AFF1: variants seen among roughly 807,000 people sequenced by gnomAD.
AFF1 encodes the protein AF4/FMR2 family member 1.
In AFF1, 48 loss-of-function variants were observed where a neutral mutation model predicts 121.7. The ratio of observed to expected loss-of-function variants is 0.39; its 90% confidence interval spans 0.31 to 0.50. The LOEUF is 0.50. Among genes scored for constraint, AFF1 ranks in the 20% least tolerant of loss-of-function variants. AFF1 has a pLI of 0.76. For missense variants in AFF1, 1,523 were observed against 1,511.7 expected (o/e 1.01, Z -0.12); for synonymous variants, 613 against 563.0 (o/e 1.09, Z -1.26).
chr4:87,089,725 G>C (rs1177376089), intron 5 of AFF1, among the ~76,000 whole-genome samples: 1 of 152,098 alleles, frequency 6.6e-6, no homozygotes, highest in African/African-American at 2.4e-5. Flanking sequence ...TAATATTCAG[G>C]GTGTTAAATT....
At chr4:86,971,359 TC>T (rs1470168544) in intron 2 of AFF1, among the ~76,000 whole-genome samples, 5 of 152,220 alleles carry the variant, frequency 3.3e-5, no homozygotes, top group Admixed American at 6.5e-5. Context: ...ATCTCAGTCT[TC>T]TTGCATGAAG....
At chr4:86,975,662 C>G (rs1275443279) in intron 2 of AFF1, among the ~76,000 whole-genome samples, 1 of 152,020 alleles carries the variant, frequency 6.6e-6, no homozygotes, top group Non-Finnish European at 1.5e-5. Context: ...TTTTCTCCCC[C>G]CAAGGAACTA....
intron 2 of AFF1, among the ~76,000 whole-genome samples, chr4:87,020,247 T>C (rs910143397): frequency 2.5e-4 from 38 of 152,238 alleles, no homozygotes; most frequent in Non-Finnish European, 4.0e-4. Flanking sequence ...TTCAAATGAA[T>C]GTATTGAGTT....
intron 1 of AFF1, among the ~76,000 whole-genome samples, chr4:86,941,884 A>G (rs1437846037): frequency 1.3e-5 from 2 of 152,078 alleles, no homozygotes; most frequent in African/African-American, 4.8e-5. Flanking sequence ...GCTTGTAAAA[A>G]TATGCACAAA....
intron 4 of AFF1, among the ~76,000 whole-genome samples, chr4:87,075,605 C>T (rs1299839764): frequency 6.6e-6 from 1 of 152,174 alleles, no homozygotes; most frequent in Non-Finnish European, 1.5e-5. Flanking sequence ...TCTGATGTTA[C>T]TGTCATATCT....
chr4:87,099,106 T>A (rs1188451507), intron 8 of AFF1, among the ~76,000 whole-genome samples: 1 of 152,208 alleles, frequency 6.6e-6, no homozygotes, highest in Non-Finnish European at 1.5e-5. Flanking sequence ...CCTAAGGAAA[T>A]TAAATTTTTC....
chr4:87,019,886 G>GGC lies in AFF1; in HGVS notation c.39-26279_39-26278insCG, dbSNP rs1553918049. On this transcript the variant is annotated intron_variant, in intron 2 of 20. Coordinates refer to ENST00000395146, the MANE Select transcript of AFF1 (RefSeq NM_001166693.3). Reference sequence around the variant, plus strand: ...CTGTGACTGGTGTCTGAAGGGGTCGGGGGGGGGCAGTCTTGGGGACTGAGC... The same window carrying GGC: ...CTGTGACTGGTGTCTGAAGGGGTCGGGCGGGGGGGCAGTCTTGGGGACTGAGC... Among the ~76,000 whole-genome samples the GGC allele has an allele frequency of 9.4e-5, 10 of 106,572 alleles. No individual in the cohort carries two copies. The South Asian group carries it at 3.0e-3, about 32-fold the overall frequency. 69.9% of individuals were successfully genotyped at this position (106,572 alleles called of 152,430 possible). A position where few individuals can be genotyped will look rare whatever the true frequency, so the allele number is the denominator to read the frequency against.
In AFF1 at chr4:87,091,781, T is replaced by G; in HGVS notation, c.1192-12T>G. ...ATCTTTTAATAATTAGATATTTTTA[T>G]TTTCTTTCTAGGACTCTCAGCATGT... is the stretch of plus-strand genomic sequence containing the variant. On this transcript the variant is annotated splice_polypyrimidine_tract_variant and intron_variant, in intron 6 of 20. Coordinates refer to ENST00000395146, the MANE Select transcript of AFF1 (RefSeq NM_001166693.3). 1 of 1,512,168 alleles carries G rather than the reference T, an allele frequency of 6.6e-7. No homozygotes were observed. Among genetic ancestry groups the G allele is most frequent in the Non-Finnish European group, 8.9e-7 (1 of 1,120,850 alleles). The allele number at this position is 1,512,168 out of a possible 1,614,324, so 93.7% of individuals were successfully genotyped here. A position where few individuals can be genotyped will look rare whatever the true frequency, so the allele number is the denominator to read the frequency against.
intron 2 of AFF1, among the ~76,000 whole-genome samples, chr4:87,038,219 T>C (rs1729760901): frequency 6.6e-6 from 1 of 152,208 alleles, no homozygotes; most frequent in Non-Finnish European, 1.5e-5. Flanking sequence ...TTATTCATGT[T>C]AGTTATTGAG....
intron 1 of AFF1, among the ~76,000 whole-genome samples, chr4:86,940,791 A>G (rs1720399550): frequency 6.6e-6 from 1 of 152,004 alleles, no homozygotes; most frequent in Admixed American, 6.6e-5. Flanking sequence ...AATCATTAGA[A>G]CCTGTGAAGG....
chr4:86,987,756 C>T (rs1724400639), intron 2 of AFF1, among the ~76,000 whole-genome samples: 1 of 152,088 alleles, frequency 6.6e-6, no homozygotes, highest in African/African-American at 2.4e-5. Context: ...AGTTTGAGAC[C>T]AGCCTGGCCA....
intron 12 of AFF1, among the ~76,000 whole-genome samples, chr4:87,121,521 C>T (rs926019547): frequency 6.6e-6 from 1 of 152,214 alleles, no homozygotes; most frequent in Non-Finnish European, 1.5e-5. Flanking sequence ...AGTGCCTACT[C>T]TGGGGAAGCC....
At chr4:87,017,604 ATT>A (rs1281787459) in intron 2 of AFF1, among the ~76,000 whole-genome samples, 2 of 152,224 alleles carry the variant, frequency 1.3e-5, no homozygotes, top group Non-Finnish European at 2.9e-5. Flanking sequence ...GAAATCCTTT[ATT>A]TTATAATTGC....
At chr4:87,058,686 AAG>A (rs1720409394) in intron 4 of AFF1, among the ~76,000 whole-genome samples, 1 of 152,150 alleles carries the variant, frequency 6.6e-6, no homozygotes, top group African/African-American at 2.4e-5. Context: ...TCCCAACTGA[AAG>A]AGCAAAACAA....
intron 2 of AFF1, among the ~76,000 whole-genome samples, chr4:87,035,259 G>A (rs1729443018): frequency 6.6e-6 from 1 of 152,018 alleles, no homozygotes; most frequent in Admixed American, 6.5e-5. Flanking sequence ...CAGAAGTACT[G>A]CTTGAAATAC....
chr4:86,999,783 C>A (rs1300813073), intron 2 of AFF1, among the ~76,000 whole-genome samples: 2 of 152,006 alleles, frequency 1.3e-5, no homozygotes, highest in Non-Finnish European at 2.9e-5. Flanking sequence ...GGGAGGTGGT[C>A]ACTGGCATCA....
chr4:87,026,134 G>T lies in AFF1; in HGVS notation c.39-20032G>T, dbSNP rs550824009. On this transcript the variant is annotated intron_variant, in intron 2 of 20. Coordinates refer to ENST00000395146, the MANE Select transcript of AFF1 (RefSeq NM_001166693.3). ...GCAGGAGAATTGCTTGAACCCGGGAGGTGGAGGTTGCAGTGAGCTGACACC... is the reference window on the plus strand; with the variant it reads ...GCAGGAGAATTGCTTGAACCCGGGATGTGGAGGTTGCAGTGAGCTGACACC... Among the ~76,000 whole-genome samples, 19 of 151,268 alleles carry T rather than the reference G, an allele frequency of 1.3e-4. No homozygotes were observed. The South Asian group carries it at 2.7e-3, about 22-fold the overall frequency.
In AFF1 at chr4:87,108,328, C is replaced by G; in HGVS notation, c.1533+13C>G. On this transcript the variant is annotated intron_variant, in intron 11 of 20. Transcript: ENST00000395146. ...CCCAGCTCCGGAGGTACCGTGTTCC[C>G]CCTCGAGATGGCCACCTTAGATGGC... The G allele has an allele frequency of 2.5e-6, 4 of 1,610,856 alleles. No homozygotes were observed. Among genetic ancestry groups the G allele is most frequent in the Non-Finnish European group, 3.4e-6 (4 of 1,179,502 alleles).
chr4:86,985,181 C>CTA (rs55891819), intron 2 of AFF1, among the ~76,000 whole-genome samples: 1,582 of 96,372 alleles, frequency 0.016, 46 homozygotes, highest in African/African-American at 0.04. Context: ...ATATGTATTA[C>CTA]TATATATATA....
Sources: gnomAD v4.1 joint callset for allele counts (sites outside exome capture counted in the v4.1 genomes callset) on GRCh38, gnomAD v4.1.1 for gene constraint, MANE v1.5 for transcripts, NCBI Gene and HGNC (gene_info 2026-07-23, HGNC 2026-07-21) for gene names.